The following CADM1 variants were observed in gnomAD, a reference collection of about 807,000 sequenced individuals.
CADM1 encodes the protein cell adhesion molecule 1, also known as TSLC-1.
CADM1 carries 15 observed loss-of-function variants against 53.1 expected under a neutral mutation model. The observed-to-expected ratio is 0.28, with a 90% CI of 0.19 to 0.44. The LOEUF (loss-of-function observed/expected upper bound fraction) is 0.44, where lower values mean the gene tolerates loss of function less well. Among genes scored for constraint, CADM1 ranks in the 20% least tolerant of loss-of-function variants. CADM1 has a pLI of 1.00. For synonymous variants in CADM1, 281 were observed against 243.0 expected, an observed-to-expected ratio of 1.16 and a Z score of -1.45; for missense variants, 434 against 611.3, an observed-to-expected ratio of 0.71 and a Z score of 3.06.
intron 1 of CADM1, among the ~76,000 whole-genome samples, chr11:115,277,994 C>CT (rs1219399397): frequency 1.3e-5 from 2 of 152,128 alleles, no homozygotes; most frequent in Non-Finnish European, 2.9e-5. Flanking sequence ...GACCATGCCC[C>CT]TCTCTACCTA....
At chr11:115,297,834 G>T (rs966225720) in intron 1 of CADM1, among the ~76,000 whole-genome samples, 7 of 152,198 alleles carry the variant, frequency 4.6e-5, no homozygotes, top group Non-Finnish European at 8.8e-5. Context: ...GAACACTGGG[G>T]TTTAAGAATA....
At chr11:115,461,114 A>AACAC (rs149383269) in intron 1 of CADM1, among the ~76,000 whole-genome samples, 8 of 150,892 alleles carry the variant, frequency 5.3e-5, no homozygotes, top group South Asian at 2.1e-4. Context: ...TGGAAATGGA[A>AACAC]ACACACACAC....
At chr11:115,255,594 T>C (rs1942758947) in intron 1 of CADM1, among the ~76,000 whole-genome samples, 1 of 152,132 alleles carries the variant, frequency 6.6e-6, no homozygotes, top group African/African-American at 2.4e-5. Context: ...CCAAAGGAGA[T>C]CCTAGAAAGA....
rs549710398 is a variant in CADM1 at position 115,222,310 on chromosome 11, T to C, written c.722-4319A>G. Reference sequence around the variant, plus strand: ...AAAGATTAACCTGAGATTTGGTGAGTGTTAGAAGCTGTTTGAGCTCAAAGC... The same window carrying C: ...AAAGATTAACCTGAGATTTGGTGAGCGTTAGAAGCTGTTTGAGCTCAAAGC... On this transcript the variant is annotated intron_variant, in intron 5 of 11. Coordinates refer to ENST00000331581, the MANE Select transcript of CADM1 (RefSeq NM_001301043.2). 4.6e-5 allele frequency among the ~76,000 whole-genome samples: 7 copies of C among 152,196 alleles called. No individual in the cohort carries two copies. The East Asian group carries it at 1.4e-3, about 29-fold the overall frequency.
intron 1 of CADM1, among the ~76,000 whole-genome samples, chr11:115,261,301 G>C (rs370600119): frequency 1.3e-5 from 2 of 152,170 alleles, no homozygotes; most frequent in East Asian, 1.9e-4. Context: ...ATTTCAATTA[G>C]AGCATCTGTT....
intron 1 of CADM1, among the ~76,000 whole-genome samples, chr11:115,428,181 GA>G (rs1219624215): frequency 6.6e-6 from 1 of 151,962 alleles, no homozygotes; most frequent in Non-Finnish European, 1.5e-5. Context: ...AAATATTTAT[GA>G]AAAAACGTAT....
At chr11:115,241,572 T>A (rs1211278731) in intron 1 of CADM1, among the ~76,000 whole-genome samples, 1 of 152,174 alleles carries the variant, frequency 6.6e-6, no homozygotes, top group Non-Finnish European at 1.5e-5. Context: ...TTAAAAGCTA[T>A]CTCACAGGGC....
chr11:115,330,715 C>T (rs1469656109), intron 1 of CADM1, among the ~76,000 whole-genome samples: 5 of 152,098 alleles, frequency 3.3e-5, no homozygotes, highest in South Asian at 2.1e-4. Flanking sequence ...CACTAGTGAC[C>T]GCATGTAGAC....
chr11:115,238,658 A>C lies in CADM1; in HGVS notation c.272-6T>G. 2 of 1,613,756 alleles carry C rather than the reference A, an allele frequency of 1.2e-6. No individual in the cohort carries two copies. Among genetic ancestry groups the C allele is most frequent in the South Asian group, 2.2e-5 (2 of 91,078 alleles). On this transcript the variant is annotated splice_polypyrimidine_tract_variant and splice_region_variant and intron_variant, in intron 2 of 11. Coordinates refer to ENST00000331581, the MANE Select transcript of CADM1 (RefSeq NM_001301043.2). ...AAACCTGCTGTCCTTCAAAGCTGTG[A>C]AACAAAACAGAGAGTTAGTGATTGT... is the stretch of plus-strand genomic sequence containing the variant.
intron 1 of CADM1, among the ~76,000 whole-genome samples, chr11:115,313,500 A>C (rs2135168298): frequency 6.6e-6 from 1 of 152,322 alleles, no homozygotes; most frequent in Admixed American, 6.5e-5. Context: ...AGATAGTACT[A>C]GATATTATTT....
chr11:115,300,774 T>A (rs1461133262), intron 1 of CADM1, among the ~76,000 whole-genome samples: 1 of 152,128 alleles, frequency 6.6e-6, no homozygotes, highest in Admixed American at 6.6e-5. Context: ...ACCATGATCA[T>A]CACTGATTAT....
At chr11:115,235,080 T>C (rs1007149467) in intron 3 of CADM1, among the ~76,000 whole-genome samples, 1 of 152,006 alleles carries the variant, frequency 6.6e-6, no homozygotes, top group African/African-American at 2.4e-5. Context: ...AACAGGCATG[T>C]ATACTGGGAG....
At chr11:115,276,281 A>T (rs1178374683) in intron 1 of CADM1, among the ~76,000 whole-genome samples, 2 of 152,206 alleles carry the variant, frequency 1.3e-5, no homozygotes, top group Non-Finnish European at 2.9e-5. Context: ...GTGCTTAAAA[A>T]GCTACCCAGT....
At chr11:115,275,558 C>T (rs905639915) in intron 1 of CADM1, among the ~76,000 whole-genome samples, 1 of 152,142 alleles carries the variant, frequency 6.6e-6, no homozygotes, top group Admixed American at 6.5e-5. Context: ...AGCATAGGGA[C>T]ACATGAATTC....
chr11:115,210,619 G>A (rs1275425540), intron 7 of CADM1, among the ~76,000 whole-genome samples: 2 of 152,174 alleles, frequency 1.3e-5, no homozygotes, highest in Non-Finnish European at 2.9e-5. Context: ...TAGAGCATAA[G>A]ACGATTTGAA....
At chr11:115,233,616 A>G (rs931457964) in intron 3 of CADM1, among the ~76,000 whole-genome samples, 14 of 152,204 alleles carry the variant, frequency 9.2e-5, no homozygotes, top group African/African-American at 2.9e-4. Context: ...GGAAAAGCCT[A>G]AAGAAAATAA....
intron 1 of CADM1, among the ~76,000 whole-genome samples, chr11:115,465,546 T>G (rs184691510): frequency 1.3e-5 from 2 of 152,320 alleles, no homozygotes; most frequent in East Asian, 1.9e-4. Context: ...AAGTACCTTC[T>G]ACCATGAAAA....
At chr11:115,211,701 G>A (rs1329612693) in intron 7 of CADM1, among the ~76,000 whole-genome samples, 1 of 150,330 alleles carries the variant, frequency 6.7e-6, no homozygotes, top group Non-Finnish European at 1.5e-5. Flanking sequence ...ATATTGGCCA[G>A]GCTGGTCTCA....
intron 1 of CADM1, chr11:115,397,261 C>T (rs1404411322): frequency 1.3e-5 from 2 of 151,982 alleles, no homozygotes; most frequent in Non-Finnish European, 2.9e-5. Flanking sequence ...TATATTCTTC[C>T]CCAGCAGAAG....
Sources: allele counts gnomAD v4.1 joint callset (sites outside exome capture counted in the v4.1 genomes callset), GRCh38; gene constraint gnomAD v4.1.1; transcripts MANE v1.5; gene names NCBI Gene and HGNC (gene_info 2026-07-23, HGNC 2026-07-21).